The following KCNH7 variants were observed in gnomAD, a reference collection of about 807,000 sequenced individuals.
The protein encoded by KCNH7 is voltage-gated inwardly rectifying potassium channel KCNH7.
In KCNH7, 49 loss-of-function variants were observed where a neutral mutation model predicts 120.8. The observed-to-expected ratio is 0.41, with a 90% CI of 0.32 to 0.51. The LOEUF is 0.51. Among genes scored for constraint, KCNH7 ranks in the 20% least tolerant of loss-of-function variants. The pLI is 0.38. For synonymous variants in KCNH7, 547 were observed against 516.1 expected (o/e 1.06, Z -0.81); for missense variants, 1,097 against 1,446.6 (o/e 0.76, Z 3.92).
At chr2:162,609,459 A>G (rs933149766) in intron 2 of KCNH7, among the ~76,000 whole-genome samples, 3 of 151,992 alleles carry the variant, frequency 2.0e-5, no homozygotes, top group Non-Finnish European at 4.4e-5. Context: ...AAGGGACTGT[A>G]TTGGATTTTT....
rs149993526 is a variant in KCNH7 at position 162,529,295 on chromosome 2, T to C, written c.463+7630A>G. 3.5e-3 allele frequency among the ~76,000 whole-genome samples: 536 copies of C among 151,792 alleles called. 3 individuals carry two copies. Among genetic ancestry groups the C allele is most frequent in the African/African-American group, 0.013 (521 of 41,438 alleles). On this transcript the variant is annotated intron_variant, in intron 3 of 15. Coordinates refer to ENST00000332142, the MANE Select transcript of KCNH7 (RefSeq NM_033272.4). The stretch of plus-strand genomic sequence containing the variant: ...GGGAGAAACAAACAGCTTTTAAGAG[T>C]AGAGTAAGAGGAACAACAAATGGTA...
chr2:162,785,980 T>C (rs1263798975), intron 2 of KCNH7, among the ~76,000 whole-genome samples: 1 of 152,094 alleles, frequency 6.6e-6, no homozygotes, highest in Non-Finnish European at 1.5e-5. Context: ...CGGTGGCTCA[T>C]GCCTGTAATC....
chr2:162,782,165 C>T (rs1683519921), intron 2 of KCNH7, among the ~76,000 whole-genome samples: 1 of 152,180 alleles, frequency 6.6e-6, no homozygotes, highest in Non-Finnish European at 1.5e-5. Context: ...ATATGCCATA[C>T]ATGGCAGTAA....
intron 14 of KCNH7, among the ~76,000 whole-genome samples, chr2:162,378,647 A>G (rs1242678663): frequency 6.6e-6 from 1 of 152,248 alleles, no homozygotes; most frequent in Non-Finnish European, 1.5e-5. Context: ...TGTTGCTTAT[A>G]CATAGAGATG....
intron 2 of KCNH7, among the ~76,000 whole-genome samples, chr2:162,789,474 A>G (rs980396902): frequency 6.6e-6 from 1 of 152,070 alleles, no homozygotes; most frequent in Non-Finnish European, 1.5e-5. Context: ...ATCAATAAGT[A>G]AACATTGGAC....
chr2:162,557,191 C>T (rs1692884943), intron 2 of KCNH7, among the ~76,000 whole-genome samples: 1 of 152,172 alleles, frequency 6.6e-6, no homozygotes, highest in Admixed American at 6.5e-5. Context: ...ACTCATATGG[C>T]TGGCTGCCAT....
Position 162,518,043 on chromosome 2 carries a change from A to G in KCNH7, c.579T>C (p.Asp193=). ...VVIDSSKHSD[D]SVAMKHFKSP... The stretch of plus-strand genomic sequence containing the variant: ...ACTTAAAATGCTTCATGGCTACTGA[A>G]TCATCACTGTGTTTAGATGAATCGA... The change falls in exon 4 of 16, where the codon GAT becomes GAC. Residue 193 remains aspartate, a synonymous_variant. Coordinates refer to ENST00000332142, the MANE Select transcript of KCNH7 (RefSeq NM_033272.4). The G allele has an allele frequency of 5.6e-6, 9 of 1,612,446 alleles. No homozygotes were observed. The highest frequency in any genetic ancestry group is 2.2e-5 in the South Asian group (2 of 91,048).
intron 2 of KCNH7, among the ~76,000 whole-genome samples, chr2:162,539,312 C>T (rs1223340446): frequency 6.6e-6 from 1 of 152,084 alleles, no homozygotes; most frequent in Admixed American, 6.6e-5. Context: ...TTTAAAATGA[C>T]ATTTCCTGGA....
intron 2 of KCNH7, among the ~76,000 whole-genome samples, chr2:162,721,032 C>T (rs932449918): frequency 6.6e-6 from 1 of 152,070 alleles, no homozygotes; most frequent in Non-Finnish European, 1.5e-5. Context: ...GGTATAGATA[C>T]TAACGCTACG....
chr2:162,810,989 T>G (rs1414304862), intron 2 of KCNH7, among the ~76,000 whole-genome samples: 1 of 152,170 alleles, frequency 6.6e-6, no homozygotes, highest in Non-Finnish European at 1.5e-5. Context: ...TCAGAAATTT[T>G]TCTATTTTTA....
intron 2 of KCNH7, among the ~76,000 whole-genome samples, chr2:162,539,463 A>T (rs1213317285): frequency 3.3e-5 from 5 of 152,072 alleles, no homozygotes; most frequent in Non-Finnish European, 5.9e-5. Context: ...GGGGATAGAG[A>T]TCTAATAGGC....
At chr2:162,575,166 C>A (rs986558840) in intron 2 of KCNH7, among the ~76,000 whole-genome samples, 2 of 152,152 alleles carry the variant, frequency 1.3e-5, no homozygotes, top group Non-Finnish European at 2.9e-5. Context: ...TTTGACCATG[C>A]ATGGGAGGGT....
At chr2:162,608,634 G>A (rs113011220) in intron 2 of KCNH7, among the ~76,000 whole-genome samples, 23 of 152,190 alleles carry the variant, frequency 1.5e-4, no homozygotes, top group African/African-American at 4.6e-4. Context: ...CCTAACATCC[G>A]CTGAAGGTTC....
At chr2:162,569,960 A>G (rs1182617694) in intron 2 of KCNH7, among the ~76,000 whole-genome samples, 2 of 131,770 alleles carry the variant, frequency 1.5e-5, no homozygotes, top group Non-Finnish European at 3.2e-5. Flanking sequence ...GTATGTGGTC[A>G]ATTTTGGAAT....
At chr2:162,517,032 A>T (rs2105783228) in intron 4 of KCNH7, among the ~76,000 whole-genome samples, 2 of 151,898 alleles carry the variant, frequency 1.3e-5, no homozygotes, top group Admixed American at 1.3e-4. Flanking sequence ...TAAGTACTTA[A>T]CCGATGTTAT....
intron 2 of KCNH7, among the ~76,000 whole-genome samples, chr2:162,663,175 G>C (rs940725143): frequency 6.6e-6 from 1 of 152,190 alleles, no homozygotes. Context: ...TTATTGTGAA[G>C]TGACAATATG....
At chr2:162,767,986 T>C (rs925069682) in intron 2 of KCNH7, among the ~76,000 whole-genome samples, 4 of 152,186 alleles carry the variant, frequency 2.6e-5, no homozygotes, top group Admixed American at 6.6e-5. Flanking sequence ...CTGTGATGCT[T>C]TTGAAATTAA....
intron 2 of KCNH7, among the ~76,000 whole-genome samples, chr2:162,778,596 G>A (rs1016354024): frequency 6.6e-6 from 1 of 152,086 alleles, no homozygotes; most frequent in Non-Finnish European, 1.5e-5. Flanking sequence ...AGCATTGAAT[G>A]TTCTTGAATA....
intron 2 of KCNH7, among the ~76,000 whole-genome samples, chr2:162,625,202 G>A (rs1399891208): frequency 6.6e-6 from 1 of 151,932 alleles, no homozygotes; most frequent in Non-Finnish European, 1.5e-5. Flanking sequence ...AAGTCAAAGT[G>A]CACTCTTAAC....
Sources: allele counts gnomAD v4.1 joint callset (sites outside exome capture counted in the v4.1 genomes callset), GRCh38; gene constraint gnomAD v4.1.1; transcripts MANE v1.5; gene names NCBI Gene and HGNC (gene_info 2026-07-23, HGNC 2026-07-21).